The following CFAP92 variants were observed in gnomAD, a reference collection of about 807,000 sequenced individuals.
The protein encoded by CFAP92 is cilia and flagella associated protein 92 (putative), also known as uncharacterized protein CFAP92.
A neutral mutation model predicts 106.3 loss-of-function variants in CFAP92; 86 were observed. The observed-to-expected ratio is 0.81, with a 90% CI of 0.68 to 0.97. CFAP92 has a LOEUF of 0.97. CFAP92 is among the 50% of genes least tolerant of loss of function. The probability of loss-of-function intolerance (pLI) is 0.00; values close to 1 mark genes in which losing one functional copy is unlikely to be tolerated. For synonymous variants in CFAP92, 477 were observed against 506.4 expected (o/e 0.94, Z 0.78); for missense variants, 1,204 against 1,283.8 (o/e 0.94, Z 0.95).
intron 9 of CFAP92, among the ~76,000 whole-genome samples, chr3:128,962,521 C>T (rs1484286213): frequency 6.6e-6 from 1 of 152,150 alleles, no homozygotes; most frequent in Non-Finnish European, 1.5e-5. Flanking sequence ...ACAGCTGCAT[C>T]TCATTGCTGC....
At position 128,965,658 on chromosome 3, in the gene CFAP92, A is replaced by G. The variant is rs1038230132; in HGVS notation, c.1206T>C (p.Ser402=). The G allele has an allele frequency of 5.8e-5, 23 of 398,900 alleles. No individual in the cohort carries two copies. Among genetic ancestry groups the G allele is most frequent in the Non-Finnish European group, 8.8e-5 (20 of 226,066 alleles). The allele number at this position is 398,900 out of a possible 1,614,324, so 24.7% of individuals were successfully genotyped here. The stretch of plus-strand genomic sequence containing the variant: ...TCAAAAGGCAATCTAAAATGTTGGC[A>G]GACTTCTCACTGCCACGACTCACGA... The part of the protein sequence containing the change: ...QTVVSRGSEK[S]ANILDCLLTL... Residue 402 remains serine, a synonymous_variant, in exon 9 of 16, where the codon TCT becomes TCC. Transcript: ENST00000645291.
At chr3:128,992,736 C>G (rs1432315438) in intron 2 of CFAP92, among the ~76,000 whole-genome samples, 1 of 152,112 alleles carries the variant, frequency 6.6e-6, no homozygotes, top group African/African-American at 2.4e-5. Context: ...AGGTGATGCA[C>G]AAGCGCTTAT....
At chr3:128,988,596 A>G in intron 3 of CFAP92, 132 bp downstream of exon 3, 1 of 858,872 alleles carries the variant, frequency 1.2e-6, no homozygotes, top group Non-Finnish European at 1.8e-6. Context: ...ATTCCCACTC[A>G]GGAGGTGGGG....
At chr3:128,947,158 C>A (rs543333110) in intron 9 of CFAP92, among the ~76,000 whole-genome samples, 2 of 151,428 alleles carry the variant, frequency 1.3e-5, no homozygotes, top group Non-Finnish European at 2.9e-5. Flanking sequence ...CCCAGTGGCT[C>A]GGCAGAAGTC....
At chr3:128,922,543 G>C (rs1341679344) in intron 12 of CFAP92, among the ~76,000 whole-genome samples, 1 of 152,148 alleles carries the variant, frequency 6.6e-6, no homozygotes, top group Non-Finnish European at 1.5e-5. Flanking sequence ...AGACCTATTT[G>C]TACAGTAACT....
chr3:128,981,481 C>T (rs1943533436), intron 4 of CFAP92, among the ~76,000 whole-genome samples: 1 of 152,162 alleles, frequency 6.6e-6, no homozygotes, highest in Admixed American at 6.5e-5. Flanking sequence ...CAGGCACCTG[C>T]CACCACACCC....
At chr3:128,975,069 G>A (rs1355153276) in intron 7 of CFAP92, among the ~76,000 whole-genome samples, 19 of 149,520 alleles carry the variant, frequency 1.3e-4, no homozygotes, top group African/African-American at 2.7e-4. Flanking sequence ...GCAGTGAGCC[G>A]AGACTGCACA....
At position 128,977,918 on chromosome 3, in the gene CFAP92, C is replaced by T. The variant is rs979571414; in HGVS notation, c.808+127G>A. ...TACAGCCGTGTGGCAGGGTGAGCCC[C>T]GCCCGCCTCTGCTGCCAATACACAG... is the stretch of plus-strand genomic sequence containing the variant. On this transcript the variant is annotated intron_variant, in intron 5 of 15. Coordinates refer to ENST00000645291, the MANE Select transcript of CFAP92 (RefSeq NM_001394090.1). 91 of 1,189,060 alleles carry T rather than the reference C, an allele frequency of 7.7e-5. 1 individual carries two copies. The Admixed American group carries it at 1.8e-3, about 24-fold the overall frequency. The allele number at this position is 1,189,060 out of a possible 1,614,324, so 73.7% of individuals were successfully genotyped here. A position where few individuals can be genotyped will look rare whatever the true frequency, so the allele number is the denominator to read the frequency against.
At chr3:128,912,023 C>T (rs533184470) in intron 15 of CFAP92, among the ~76,000 whole-genome samples, 1 of 152,366 alleles carries the variant, frequency 6.6e-6, no homozygotes, top group Admixed American at 6.5e-5. Flanking sequence ...GTCCTGTTGA[C>T]CTGAGGTTCT....
chr3:128,944,048 G>A (rs1207754298), intron 10 of CFAP92, among the ~76,000 whole-genome samples: 1 of 150,528 alleles, frequency 6.6e-6, no homozygotes, highest in African/African-American at 2.5e-5. Flanking sequence ...TCCCACCTTG[G>A]CCACCCAAGT....
intron 4 of CFAP92, among the ~76,000 whole-genome samples, chr3:128,986,192 C>A (rs116954231): frequency 3.3e-5 from 5 of 151,496 alleles, no homozygotes; most frequent in Non-Finnish European, 7.4e-5. Context: ...GTGCTGACAA[C>A]GATAATAGTA....
chr3:129,019,360 C>G, the CFAP92 span, among the ~76,000 whole-genome samples: 1 of 152,224 alleles, frequency 6.6e-6, no homozygotes, highest in Admixed American at 6.5e-5. Context: ...TTAGCGAGGG[C>G]TGGCTACCTT....
At chr3:128,987,892 G>A (rs1435216412) in intron 3 of CFAP92, 63 bp from the exon 4 acceptor site, 1 of 1,419,082 alleles carries the variant, frequency 7.0e-7, no homozygotes, top group East Asian at 2.5e-5. Context: ...GTGGCGAACA[G>A]AGCAAGCCCC....
At chr3:128,984,500 T>G (rs1368468473) in intron 4 of CFAP92, among the ~76,000 whole-genome samples, 1 of 151,910 alleles carries the variant, frequency 6.6e-6, no homozygotes, top group African/African-American at 2.4e-5. Flanking sequence ...ACTTTTAGAC[T>G]CTTGGACCTA....
intron 12 of CFAP92, 105 bp from the exon 13 acceptor site, chr3:128,916,376 A>G: frequency 1.3e-6 from 1 of 761,320 alleles, no homozygotes; most frequent in Non-Finnish European, 1.8e-6. Flanking sequence ...TGGTGCAGGT[A>G]TTGATTGATT....
chr3:129,002,340 GA>G, intron 1 of CFAP92: 1 of 1,512,516 alleles, frequency 6.6e-7, no homozygotes, highest in Non-Finnish European at 8.8e-7. Context: ...CGCCGGCCAC[GA>G]AGGGAGGGTG....
Position 128,948,777 on chromosome 3 carries a change from G to A in CFAP92, c.1354-2802C>T, listed in dbSNP as rs112841986. Among the ~76,000 whole-genome samples, 40 of 151,898 alleles carry A rather than the reference G, an allele frequency of 2.6e-4. No individual in the cohort carries two copies. The South Asian group carries it at 4.0e-3, about 15-fold the overall frequency. On this transcript the variant is annotated intron_variant, in intron 9 of 15. Coordinates refer to ENST00000645291, the MANE Select transcript of CFAP92 (RefSeq NM_001394090.1). Reference sequence around the variant, plus strand: ...ACTCCTGACCTCAAGTGATCCGCCCGCCTTAGCCTCCCAAAGTGTTGGGAT... The same window carrying A: ...ACTCCTGACCTCAAGTGATCCGCCCACCTTAGCCTCCCAAAGTGTTGGGAT...
chr3:128,916,445 A>G (rs1936824556), intron 12 of CFAP92, among the ~76,000 whole-genome samples, 174 bp from the exon 13 acceptor site: 1 of 152,122 alleles, frequency 6.6e-6, no homozygotes, highest in African/African-American at 2.4e-5. Context: ...AACTAGTCCA[A>G]CCTCTCACTA....
At chr3:128,933,793 C>T (rs115487881) in intron 11 of CFAP92, among the ~76,000 whole-genome samples, 1,599 of 152,292 alleles carry the variant, frequency 0.01, 11 homozygotes, top group Non-Finnish European at 0.015. Context: ...TGGCCTCCTT[C>T]CAAATGCTGT....
Sources: allele counts gnomAD v4.1 joint callset (sites outside exome capture counted in the v4.1 genomes callset), GRCh38; gene constraint gnomAD v4.1.1; transcripts MANE v1.5; gene names NCBI Gene and HGNC (gene_info 2026-07-23, HGNC 2026-07-21).